ARHGAP39: variants seen among roughly 807,000 people sequenced by gnomAD.
The protein encoded by ARHGAP39 is Rho GTPase activating protein 39, also known as rho GTPase-activating protein 39.
In ARHGAP39, 44 loss-of-function variants were observed where a neutral mutation model predicts 106.9. That is an observed-to-expected ratio of 0.41 (90% CI 0.32 to 0.53). The LOEUF is 0.53. Among genes scored for constraint, ARHGAP39 ranks in the 20% least tolerant of loss-of-function variants. The pLI is 0.21. For synonymous variants in ARHGAP39, 768 were observed against 693.2 expected, an observed-to-expected ratio of 1.11 and a Z score of -1.69; for missense variants, 1,496 against 1,577.3, an observed-to-expected ratio of 0.95 and a Z score of 0.87.
chr8:144,569,594 C>G (rs983691323), intron 3 of ARHGAP39, among the ~76,000 whole-genome samples: 7 of 152,124 alleles, frequency 4.6e-5, no homozygotes, highest in Non-Finnish European at 1.5e-5. Flanking sequence ...TATAGTGAAG[C>G]AGGTAGACGA....
At position 144,545,815 on chromosome 8, in the gene ARHGAP39, G is replaced by A; in HGVS notation, c.1960-5C>T. On this transcript the variant is annotated splice_polypyrimidine_tract_variant and splice_region_variant and intron_variant, in intron 5 of 11. Transcript: ENST00000377307. The stretch of plus-strand genomic sequence containing the variant: ...ACAGGCAGCGAGGTCCTCAGACTGA[G>A]AAGGACAAATGCGGCTGGGCTGTTG... 1 of 1,495,578 alleles carries A rather than the reference G, an allele frequency of 6.7e-7. No homozygotes were observed. The allele number at this position is 1,495,578 out of a possible 1,614,324, so 92.6% of individuals were successfully genotyped here.
chr8:144,560,924 G>C lies in ARHGAP39; in HGVS notation c.513-5281C>G, dbSNP rs998701318. Among the ~76,000 whole-genome samples, 3 of 152,196 alleles carry C rather than the reference G, an allele frequency of 2.0e-5. No individual in the cohort carries two copies. In the East Asian group the frequency reaches 5.8e-4, roughly 29 times the overall value. ...AAATAAAAATGACCCTTACACTAAC[G>C]TATGTTCTAATGTGGCTCACTTGTT... On this transcript the variant is annotated intron_variant, in intron 3 of 11. Transcript: ENST00000377307.
intron 1 of ARHGAP39, among the ~76,000 whole-genome samples, chr8:144,673,831 C>T (rs974607830): frequency 1.1e-4 from 17 of 152,352 alleles, no homozygotes; most frequent in South Asian, 2.1e-4. Flanking sequence ...GGCAAGCAAG[C>T]GCAGGGTCAG....
chr8:144,570,880 A>G (rs2130884012), intron 3 of ARHGAP39, among the ~76,000 whole-genome samples: 1 of 152,360 alleles, frequency 6.6e-6, no homozygotes, highest in South Asian at 2.1e-4. Context: ...TAGAAAATCT[A>G]GAAGAAATTG....
At chr8:144,697,214 C>T in the ARHGAP39 span, among the ~76,000 whole-genome samples, 1 of 151,572 alleles carries the variant, frequency 6.6e-6, no homozygotes, top group African/African-American at 2.4e-5. Context: ...GTAGTTCCAG[C>T]TACTCGGGAG....
At chr8:144,561,860 T>C (rs1474282383) in intron 3 of ARHGAP39, among the ~76,000 whole-genome samples, 1 of 136,418 alleles carries the variant, frequency 7.3e-6, no homozygotes, top group Non-Finnish European at 1.5e-5. Flanking sequence ...TCCATTGGAC[T>C]CACCCCAGTG....
chr8:144,546,281 C>G (rs902222198), intron 5 of ARHGAP39, among the ~76,000 whole-genome samples: 7 of 152,168 alleles, frequency 4.6e-5, no homozygotes, highest in African/African-American at 1.4e-4. Context: ...GGCCGACCTC[C>G]AGGAGGCCCC....
intron 1 of ARHGAP39, among the ~76,000 whole-genome samples, chr8:144,656,113 C>T (rs949903797): frequency 2.0e-5 from 3 of 149,302 alleles, no homozygotes; most frequent in African/African-American, 5.0e-5. Context: ...ATTAAATGAA[C>T]TTATTCAGGC....
At chr8:144,539,727 G>C (rs997460840) in intron 6 of ARHGAP39, among the ~76,000 whole-genome samples, 1 of 152,078 alleles carries the variant, frequency 6.6e-6, no homozygotes, top group Non-Finnish European at 1.5e-5. Context: ...TCCATCCATG[G>C]GTCTGTTTCT....
chr8:144,601,856 GGT>G (rs1297376911), intron 2 of ARHGAP39, among the ~76,000 whole-genome samples: 4 of 142,638 alleles, frequency 2.8e-5, no homozygotes, highest in East Asian at 2.2e-4. Context: ...TGTGCGTAGA[GGT>G]GTGTGTGCGA....
chr8:144,561,377 A>G (rs1277834884), intron 3 of ARHGAP39, among the ~76,000 whole-genome samples: 1 of 151,068 alleles, frequency 6.6e-6, no homozygotes, highest in Non-Finnish European at 1.5e-5. Flanking sequence ...AGTGGTTTCC[A>G]TCGGACTCAC....
intron 6 of ARHGAP39, among the ~76,000 whole-genome samples, chr8:144,538,292 C>T (rs112311706): frequency 0.028 from 4,204 of 152,356 alleles, 192 homozygotes; most frequent in African/African-American, 0.096. Flanking sequence ...GGTCTGCCTC[C>T]CGCTCTGCAC....
intron 2 of ARHGAP39, among the ~76,000 whole-genome samples, chr8:144,599,987 A>T (rs991670140): frequency 1.1e-4 from 16 of 152,168 alleles, no homozygotes; most frequent in Non-Finnish European, 2.9e-5. Flanking sequence ...TGTGGGAGGG[A>T]CGGGACTGGG....
At chr8:144,594,608 C>A (rs567779147) in intron 2 of ARHGAP39, among the ~76,000 whole-genome samples, 1 of 151,284 alleles carries the variant, frequency 6.6e-6, no homozygotes, top group African/African-American at 2.4e-5. Context: ...GAAGGAGAAT[C>A]GCTCGAACCC....
rs1412858869 is a variant in ARHGAP39, at chr8:144,530,323, C to T, written c.*99G>A. The T allele has an allele frequency of 1.3e-5, 18 of 1,344,658 alleles. No individual in the cohort carries two copies. In the Admixed American group the frequency reaches 1.5e-4, roughly 11 times the overall value. 83.3% of individuals were successfully genotyped at this position (1,344,658 alleles called of 1,614,324 possible). A position where few individuals can be genotyped will look rare whatever the true frequency, so the allele number is the denominator to read the frequency against. On this transcript the variant is annotated 3_prime_UTR_variant, in exon 12 of 12. Transcript: ENST00000377307. ...TGGGGGAGTGGAGGGGGCTCCAGGGCTGGGCCGGGCGATTCTGGCCCCTCT... is the reference window on the plus strand; with the variant it reads ...TGGGGGAGTGGAGGGGGCTCCAGGGTTGGGCCGGGCGATTCTGGCCCCTCT...
intron 4 of ARHGAP39, among the ~76,000 whole-genome samples, chr8:144,549,184 G>T (rs1466171317): frequency 6.6e-6 from 1 of 152,250 alleles, no homozygotes; most frequent in African/African-American, 2.4e-5. Flanking sequence ...GCACTGCGGG[G>T]CAGATATGCA....
rs1270299127 is a variant in ARHGAP39, at chr8:144,684,710, A to G, written c.-82+976T>C. 3.3e-5 allele frequency among the ~76,000 whole-genome samples: 5 copies of G among 152,096 alleles called. No homozygotes were observed. On this transcript the variant is annotated intron_variant, in intron 1 of 11. Transcript: ENST00000377307. The surrounding 1 kb of genome is among the most constrained non-coding windows in gnomAD (Gnocchi z 4.4). ...GCCCTGGGCACGGAACGCCGCCTCC[A>G]CCCACAGCACTCCAGCAACTGGGAA...
At chr8:144,533,062 C>T (rs1247640290) in intron 9 of ARHGAP39, 64 bp downstream of exon 9, 17 of 1,553,714 alleles carry the variant, frequency 1.1e-5, no homozygotes, top group Non-Finnish European at 1.5e-5. Flanking sequence ...CCCTGCATGC[C>T]ACAGATGCAT....
rs751388541 is a variant in ARHGAP39, at chr8:144,547,990, A to AG, written c.1095dup (p.Ser366LeufsTer90). The AG allele has an allele frequency of 4.4e-6, 7 of 1,609,124 alleles. No individual in the cohort carries two copies. Among genetic ancestry groups the AG allele is most frequent in the East Asian group, 4.5e-5 (2 of 44,740 alleles). On this transcript the variant is annotated frameshift_variant, in exon 5 of 12. Transcript: ENST00000377307. LOFTEE classifies it high-confidence loss of function. This position sits in a 1 kb window ranked among gnomAD's most constrained non-coding sequence, Gnocchi z 5.2. ...GTGAGCACCAGCTGCTGGCAGGGCG[A>AG]GGGGGGGCCCTGCTTGTTGGGCTGG...
Sources: allele counts gnomAD v4.1 joint callset (sites outside exome capture counted in the v4.1 genomes callset), GRCh38; gene constraint gnomAD v4.1.1; non-coding constraint Gnocchi (gnomAD v3.1); transcripts MANE v1.5; gene names NCBI Gene and HGNC (gene_info 2026-07-23, HGNC 2026-07-21).